Variants in PRKG1 observed in about 807,000 individuals in gnomAD.
The protein encoded by PRKG1 is cGMP-dependent protein kinase 1.
PRKG1 carries 35 observed loss-of-function variants against 88.1 expected under a neutral mutation model. That is an observed-to-expected ratio of 0.40 (90% confidence interval 0.30 to 0.53). The LOEUF (loss-of-function observed/expected upper bound fraction) is 0.53. Ranked by LOEUF, PRKG1 falls within the 20% of genes least tolerant of loss-of-function variation. The pLI is 0.59. For missense variants in PRKG1, 540 were observed against 839.8 expected (o/e 0.64, Z 4.41); for synonymous variants, 303 against 292.5 (o/e 1.04, Z -0.37).
At chr10:51,289,638 T>C (rs1840531404) in intron 2 of PRKG1, among the ~76,000 whole-genome samples, 1 of 152,062 alleles carries the variant, frequency 6.6e-6, no homozygotes, top group Admixed American at 6.6e-5. Context: ...CCTAAGACTT[T>C]CTGAGTACTA....
At chr10:51,824,945 A>C (rs1271967684) in intron 4 of PRKG1, among the ~76,000 whole-genome samples, 1 of 152,186 alleles carries the variant, frequency 6.6e-6, no homozygotes, top group Non-Finnish European at 1.5e-5. Flanking sequence ...AAATCATATC[A>C]GTGTTCAATG....
intron 1 of PRKG1, among the ~76,000 whole-genome samples, chr10:51,005,213 C>T (rs1252576731): frequency 6.6e-6 from 1 of 151,762 alleles, no homozygotes; most frequent in African/African-American, 2.4e-5. Flanking sequence ...GGAAGGATAA[C>T]CTTAGAAATT....
intron 4 of PRKG1, among the ~76,000 whole-genome samples, chr10:51,883,762 GATA>G (rs1841493098): frequency 6.6e-6 from 1 of 152,172 alleles, no homozygotes; most frequent in Non-Finnish European, 1.5e-5. Flanking sequence ...AATTGGTTGA[GATA>G]ATAAATGTAC....
intron 3 of PRKG1, among the ~76,000 whole-genome samples, chr10:51,764,164 C>G (rs1158743002): frequency 6.6e-6 from 1 of 152,100 alleles, no homozygotes; most frequent in Non-Finnish European, 1.5e-5. Context: ...CCTCAGAACA[C>G]AAACAGGAAA....
At chr10:52,139,222 A>C (rs1246898299) in intron 8 of PRKG1, among the ~76,000 whole-genome samples, 1 of 152,146 alleles carries the variant, frequency 6.6e-6, no homozygotes, top group African/African-American at 2.4e-5. Flanking sequence ...AGGTTTGAAA[A>C]CTGAATATAT....
At chr10:51,898,248 C>G (rs1246678218) in intron 4 of PRKG1, among the ~76,000 whole-genome samples, 1 of 152,108 alleles carries the variant, frequency 6.6e-6, no homozygotes, top group Non-Finnish European at 1.5e-5. Flanking sequence ...TAACTTGCCC[C>G]TCTTTCCATT....
At chr10:51,892,091 C>T (rs1165587960) in intron 4 of PRKG1, among the ~76,000 whole-genome samples, 1 of 152,142 alleles carries the variant, frequency 6.6e-6, no homozygotes, top group East Asian at 1.9e-4. Flanking sequence ...GTCACCTCAG[C>T]CTAAACCAAA....
chr10:51,842,593 C>T (rs1263021636), intron 4 of PRKG1, among the ~76,000 whole-genome samples: 4 of 152,064 alleles, frequency 2.6e-5, no homozygotes, highest in African/African-American at 9.7e-5. Context: ...AAGGACCATG[C>T]TTTTCATGTG....
At chr10:52,232,368 T>C (rs1171374765) in intron 9 of PRKG1, among the ~76,000 whole-genome samples, 4 of 152,110 alleles carry the variant, frequency 2.6e-5, no homozygotes, top group African/African-American at 9.7e-5. Context: ...CAATTCTCAA[T>C]ATAGCAGTGG....
intron 1 of PRKG1, among the ~76,000 whole-genome samples, chr10:51,031,222 T>A (rs1387166471): frequency 1.3e-5 from 2 of 152,176 alleles, no homozygotes; most frequent in African/African-American, 4.8e-5. Context: ...AGAGGGTGGA[T>A]AAAAGGTTAT....
At chr10:51,999,114 C>T (rs1387668576) in intron 5 of PRKG1, among the ~76,000 whole-genome samples, 2 of 152,184 alleles carry the variant, frequency 1.3e-5, no homozygotes, top group East Asian at 3.9e-4. Context: ...TAACTATAAC[C>T]AAAAGCAGCA....
chr10:51,818,960 T>TC (rs1839666949), intron 4 of PRKG1, among the ~76,000 whole-genome samples: 1 of 76,100 alleles, frequency 1.3e-5, no homozygotes, highest in Admixed American at 1.7e-4. Context: ...TGAGCCGAGA[T>TC]CCCGCCACTG....
chr10:51,741,015 A>G (rs1049594237), intron 3 of PRKG1, among the ~76,000 whole-genome samples: 5 of 152,028 alleles, frequency 3.3e-5, no homozygotes, highest in Non-Finnish European at 5.9e-5. Context: ...GGACAGACGC[A>G]GAGAAGGAGC....
At chr10:51,435,094 G>C (rs1321848015) in intron 2 of PRKG1, among the ~76,000 whole-genome samples, 1 of 152,004 alleles carries the variant, frequency 6.6e-6, no homozygotes, top group Non-Finnish European at 1.5e-5. Flanking sequence ...TAAAAGGCAG[G>C]AATTGTAGAT....
intron 1 of PRKG1, among the ~76,000 whole-genome samples, chr10:51,016,865 TACC>T (rs1843073294): frequency 6.6e-6 from 1 of 151,150 alleles, no homozygotes. Flanking sequence ...GATGAGATTT[TACC>T]ATGTTGGCCA....
At chr10:51,441,246 T>C (rs536399133) in intron 2 of PRKG1, among the ~76,000 whole-genome samples, 1 of 152,108 alleles carries the variant, frequency 6.6e-6, no homozygotes, top group Non-Finnish European at 1.5e-5. Flanking sequence ...CTCAATTTTA[T>C]GTTTAGTCAG....
At chr10:51,998,916 A>G (rs1470242882) in intron 5 of PRKG1, among the ~76,000 whole-genome samples, 1 of 151,968 alleles carries the variant, frequency 6.6e-6, no homozygotes. Flanking sequence ...GGTGGTGGGA[A>G]CCCCAGAGCA....
At position 51,729,447 on chromosome 10, in the gene PRKG1, C is replaced by T. The variant is rs567667212; in HGVS notation, c.593-75138C>T. On this transcript the variant is annotated intron_variant, in intron 3 of 17. Transcript: ENST00000373980. ...AAGAATGAGAAAAATTGACTGGGCACGGTGGCTCACACCTATAATCCCAGC... is the reference window on the plus strand; with the variant it reads ...AAGAATGAGAAAAATTGACTGGGCATGGTGGCTCACACCTATAATCCCAGC... 4.5e-4 allele frequency among the ~76,000 whole-genome samples: 69 copies of T among 152,076 alleles called. 1 individual carries two copies. The South Asian group carries it at 0.013, about 29-fold the overall frequency.
chr10:52,265,362 T>A (rs1841545916), intron 10 of PRKG1, among the ~76,000 whole-genome samples: 1 of 152,122 alleles, frequency 6.6e-6, no homozygotes, highest in Admixed American at 6.6e-5. Flanking sequence ...TCATGTGACA[T>A]TGACAGTTTA....
Sources: allele counts gnomAD v4.1 joint callset (sites outside exome capture counted in the v4.1 genomes callset), GRCh38; gene constraint gnomAD v4.1.1; transcripts MANE v1.5; gene names NCBI Gene and HGNC (gene_info 2026-07-23, HGNC 2026-07-21).